DIS3: variants seen among roughly 807,000 people sequenced by gnomAD.
The protein encoded by DIS3 is exosome complex exonuclease RRP44.
Under a neutral mutation model 113.0 loss-of-function variants are expected in DIS3, and 103 were observed. The ratio of observed to expected loss-of-function variants is 0.91; its 90% CI spans 0.78 to 1.07. The LOEUF is 1.07. Ranked by LOEUF, DIS3 falls within the 50% of genes least tolerant of loss-of-function variation. The pLI is 0.00. For missense variants in DIS3, 1,121 were observed against 1,167.1 expected, an observed-to-expected ratio of 0.96 and a Z score of 0.58; for synonymous variants, 402 against 394.3, an observed-to-expected ratio of 1.02 and a Z score of -0.23.
chr13:72,774,285 G>C (rs1247494534), intron 6 of DIS3, among the ~76,000 whole-genome samples: 4 of 151,930 alleles, frequency 2.6e-5, no homozygotes, highest in African/African-American at 9.7e-5. Flanking sequence ...CAATCAAAAA[G>C]CAAAAACAAA....
chr13:72,754,311 T>A lies in DIS3; in HGVS notation c.*5484A>T, dbSNP rs985856238. ...CCAGCCTTGTATGCCGTTTCTTTTT[T>A]TTCTTTTTTTTTTTTTTTGAGACAG... is the stretch of plus-strand genomic sequence containing the variant. On this transcript the variant is annotated 3_prime_UTR_variant, in exon 21 of 21. Coordinates refer to ENST00000377767, the MANE Select transcript of DIS3 (RefSeq NM_014953.5). 6.4e-6 allele frequency: 1 copy of A among 155,490 alleles called. No individual in the cohort carries two copies. The highest frequency in any genetic ancestry group is 2.6e-5 in the African/African-American group (1 of 38,878). The allele number at this position is 155,490 out of a possible 1,614,324, so 9.6% of individuals were successfully genotyped here. A position where few individuals can be genotyped will look rare whatever the true frequency, so the allele number is the denominator to read the frequency against.
chr13:72,780,347 AAAAG>A (rs2034141023), intron 2 of DIS3, among the ~76,000 whole-genome samples: 2 of 151,268 alleles, frequency 1.3e-5, no homozygotes, highest in African/African-American at 4.9e-5. Flanking sequence ...AAAAAAAAAA[AAAAG>A]AATTCTATTC....
Position 72,777,507 on chromosome 13 carries a change from T to C in DIS3, c.581-14A>G. On this transcript the variant is annotated splice_polypyrimidine_tract_variant and intron_variant, in intron 3 of 20. Coordinates refer to ENST00000377767, the MANE Select transcript of DIS3 (RefSeq NM_014953.5). The stretch of plus-strand genomic sequence containing the variant: ...CATATTCTTCACCTGAAAAAATAAG[T>C]TTATGTTGTTTTTGATAAGTGTTTT... 2 of 1,611,404 alleles carry C rather than the reference T, an allele frequency of 1.2e-6. No individual in the cohort carries two copies. Among genetic ancestry groups the C allele is most frequent in the Non-Finnish European group, 1.7e-6 (2 of 1,177,810 alleles).
intron 2 of DIS3, among the ~76,000 whole-genome samples, chr13:72,780,618 G>C (rs921161557): frequency 6.6e-6 from 1 of 152,082 alleles, no homozygotes. Flanking sequence ...AGTACCTATT[G>C]TAGTCTAGGA....
At chr13:72,762,263 G>A (rs1027834141) in intron 16 of DIS3, 126 bp from the exon 17 acceptor site, 23 of 820,498 alleles carry the variant, frequency 2.8e-5, no homozygotes, top group Non-Finnish European at 3.9e-5. Flanking sequence ...TCCCTTCAAA[G>A]TAGAAGTAGT....
chr13:72,775,964 A>G lies in DIS3; in HGVS notation c.783T>C (p.Ala261=). The change falls in exon 5 of 21, where the codon GCT becomes GCC. Residue 261 remains alanine, a synonymous_variant. Transcript: ENST00000377767. ...FRASRENYLE[A]TVWIHGDNEE... is the part of the protein sequence containing the mutation. ...CATTGTCGCCATGAATCCATACTGT[A>G]GCTTCCAAGTAATTTTCCCTGCTAG... 1 of 1,611,512 alleles carries G rather than the reference A, an allele frequency of 6.2e-7. No homozygotes were observed. Among genetic ancestry groups the G allele is most frequent in the African/African-American group, 1.3e-5 (1 of 74,936 alleles).
chr13:72,775,141 G>C, intron 6 of DIS3, 70 bp downstream of exon 6: 1 of 1,434,378 alleles, frequency 7.0e-7, no homozygotes, highest in Non-Finnish European at 9.3e-7. Flanking sequence ...AATGAAACTT[G>C]TTTTCCAAAG....
chr13:72,781,540 G>C, intron 1 of DIS3, 65 bp downstream of exon 1: 1 of 1,459,994 alleles, frequency 6.8e-7, no homozygotes, highest in Non-Finnish European at 9.1e-7. Flanking sequence ...CTGGGCCTCA[G>C]TTTCCCTGTC....
In DIS3 at chr13:72,753,590, C is replaced by T; in HGVS notation, c.*6205G>A. Reference sequence around the variant, plus strand: ...CATGATCAATATTACATGTTAGGATCATTCAGATGTAGTGAATGAGAGTTT... The same window carrying T: ...CATGATCAATATTACATGTTAGGATTATTCAGATGTAGTGAATGAGAGTTT... On this transcript the variant is annotated 3_prime_UTR_variant, in exon 21 of 21. Coordinates refer to ENST00000377767, the MANE Select transcript of DIS3 (RefSeq NM_014953.5). 8.2e-7 allele frequency: 1 copy of T among 1,219,114 alleles called. No individual in the cohort carries two copies. Among genetic ancestry groups the T allele is most frequent in the Non-Finnish European group, 1.2e-6 (1 of 869,386 alleles). 75.5% of individuals were successfully genotyped at this position (1,219,114 alleles called of 1,614,324 possible).
rs760821777 is a variant in DIS3, at chr13:72,768,953, T to C, written c.1756-41A>G. On this transcript the variant is annotated intron_variant, in intron 13 of 20. Coordinates refer to ENST00000377767, the MANE Select transcript of DIS3 (RefSeq NM_014953.5). ...TATGTTATATAATTCTTATAAATGA[T>C]AGAAAAATGGTTTTCAATATGTCCT... The C allele has an allele frequency of 3.8e-5, 54 of 1,424,492 alleles. 1 individual carries two copies. The Middle Eastern group carries it at 8.3e-4, about 22-fold the overall frequency. The allele number at this position is 1,424,492 out of a possible 1,614,324, so 88.2% of individuals were successfully genotyped here.
chr13:72,753,666 T>C lies in DIS3; in HGVS notation c.*6129A>G. ...TGACTTTTAAGTTCCTCACAATATA[T>C]TTTTTTCTTTTTTCTCCTGTCAGAT... On this transcript the variant is annotated 3_prime_UTR_variant, in exon 21 of 21. Coordinates refer to ENST00000377767, the MANE Select transcript of DIS3 (RefSeq NM_014953.5). The C allele has an allele frequency of 6.3e-7, 1 of 1,598,366 alleles. No homozygotes were observed. Among genetic ancestry groups the C allele is most frequent in the Non-Finnish European group, 8.5e-7 (1 of 1,173,250 alleles).
At chr13:72,779,296 T>A (rs2138237724) in intron 2 of DIS3, among the ~76,000 whole-genome samples, 1 of 152,172 alleles carries the variant, frequency 6.6e-6, no homozygotes, top group South Asian at 2.1e-4. Flanking sequence ...ATTTTTGTAT[T>A]TTTAAGAGAC....
At chr13:72,764,721 T>C (rs1424865353) in intron 15 of DIS3, among the ~76,000 whole-genome samples, 2 of 152,222 alleles carry the variant, frequency 1.3e-5, no homozygotes, top group Non-Finnish European at 2.9e-5. Flanking sequence ...AAGTTTCATC[T>C]TGTAACTTCT....
intron 10 of DIS3, 74 bp from the exon 11 acceptor site, chr13:72,771,970 T>A (rs762302229): frequency 1.3e-6 from 2 of 1,504,916 alleles, no homozygotes; most frequent in African/African-American, 2.8e-5. Context: ...TTTAATAAGA[T>A]AAAGTTTAGC....
intron 13 of DIS3, among the ~76,000 whole-genome samples, chr13:72,770,345 C>T (rs1430124504): frequency 6.6e-6 from 1 of 152,098 alleles, no homozygotes; most frequent in Non-Finnish European, 1.5e-5. Flanking sequence ...GGGCACAGAC[C>T]TAGCCCTTGT....
At position 72,755,013 on chromosome 13, in the gene DIS3, T is replaced by C. The variant is rs773869252; in HGVS notation, c.*4782A>G. The C allele has an allele frequency of 2.3e-5, 15 of 644,672 alleles. No homozygotes were observed. The highest frequency in any genetic ancestry group is 5.5e-5 in the African/African-American group (3 of 54,352). The allele number at this position is 644,672 out of a possible 1,614,324, so 39.9% of individuals were successfully genotyped here. A position where few individuals can be genotyped will look rare whatever the true frequency, so the allele number is the denominator to read the frequency against. On this transcript the variant is annotated 3_prime_UTR_variant, in exon 21 of 21. Coordinates refer to ENST00000377767, the MANE Select transcript of DIS3 (RefSeq NM_014953.5). ...CTTTTTGATGCAGAATATTGATTTATAAAATACTGTATCTTTACTGTCCCT... is the reference window on the plus strand; with the variant it reads ...CTTTTTGATGCAGAATATTGATTTACAAAATACTGTATCTTTACTGTCCCT...
intron 8 of DIS3, 32 bp from the exon 9 acceptor site, chr13:72,772,871 A>G: frequency 1.3e-6 from 2 of 1,552,614 alleles, no homozygotes; most frequent in Non-Finnish European, 1.7e-6. Flanking sequence ...AGAAACGCCT[A>G]TTTTATAGCA....
Position 72,771,134 on chromosome 13 carries a change from C to T in DIS3, c.1617G>A (p.Met539Ile). 1 of 1,613,312 alleles carries T rather than the reference C, an allele frequency of 6.2e-7. No individual in the cohort carries two copies. Among genetic ancestry groups the T allele is most frequent in the African/African-American group, 1.3e-5 (1 of 75,018 alleles). ...AGTTAGAGCTAAGCAACTCTGGAAC[C>T]ATGTCAATCCTCTGCAAAAGATAAA... ...TVYLCEKRID[M>I]VPELLSSNLC... The change falls in exon 12 of 21, where the codon ATG (methionine) becomes ATA (isoleucine). Residue 539 changes from methionine to isoleucine, a missense_variant. Met to Ile is a conservative substitution (Grantham distance 10). This residue lies in a region of DIS3 where 861 missense variants were observed against 915.5 expected (regional missense o/e 0.94). Transcript: ENST00000377767.
chr13:72,778,901 A>G (rs1179213279), intron 2 of DIS3, among the ~76,000 whole-genome samples: 2 of 152,220 alleles, frequency 1.3e-5, no homozygotes, highest in African/African-American at 4.8e-5. Context: ...AGTCAGGTAT[A>G]TTAATAGATA....
Sources: gnomAD v4.1 joint callset for allele counts (sites outside exome capture counted in the v4.1 genomes callset) on GRCh38, gnomAD v4.1.1 for gene constraint, gnomAD v4.1.1 regional missense constraint, MANE v1.5 for transcripts, NCBI Gene and HGNC (gene_info 2026-07-23, HGNC 2026-07-21) for gene names.